ANKFN1: variants seen among roughly 807,000 people sequenced by gnomAD.
The protein encoded by ANKFN1 is ankyrin repeat and fibronectin type-III domain-containing protein 1.
Under a neutral mutation model 108.7 loss-of-function variants are expected in ANKFN1, and 74 were observed. That is an observed-to-expected ratio of 0.68 (90% confidence interval 0.56 to 0.83). ANKFN1 has a LOEUF of 0.83. Among genes scored for constraint, ANKFN1 ranks in the 40% least tolerant of loss-of-function variants. The probability of loss-of-function intolerance (pLI) is 0.00; values close to 1 mark genes in which losing one functional copy is unlikely to be tolerated. For synonymous variants in ANKFN1, 547 were observed against 516.2 expected (o/e 1.06, Z -0.81); for missense variants, 1,505 against 1,382.3 (o/e 1.09, Z -1.41).
At chr17:56,308,574 G>A (rs8064801) in intron 3 of ANKFN1, among the ~76,000 whole-genome samples, 17,781 of 151,690 alleles carry the variant, frequency 0.12, 1,170 homozygotes, top group African/African-American at 0.19. Flanking sequence ...GCATTTTCTT[G>A]CTTACTATTA....
At chr17:56,218,314 T>C (rs1598258750) in intron 2 of ANKFN1, among the ~76,000 whole-genome samples, 1 of 152,062 alleles carries the variant, frequency 6.6e-6, no homozygotes, top group East Asian at 1.9e-4. Context: ...CTATTCCTTT[T>C]TCCAAGCTGA....
At chr17:56,106,824 T>C (rs1905761143) in intron 4 of ANKFN1, among the ~76,000 whole-genome samples, 1 of 152,148 alleles carries the variant, frequency 6.6e-6, no homozygotes, top group South Asian at 2.1e-4. Context: ...ATGTATAAAG[T>C]GAAATGGTTA....
At chr17:56,121,717 G>T (rs1287495277) in intron 4 of ANKFN1, among the ~76,000 whole-genome samples, 2 of 152,154 alleles carry the variant, frequency 1.3e-5, no homozygotes, top group Non-Finnish European at 2.9e-5. Flanking sequence ...AATATTTAGA[G>T]TTAGTCCATG....
intron 3 of ANKFN1, among the ~76,000 whole-genome samples, chr17:56,293,262 G>A (rs956690398): frequency 6.6e-6 from 1 of 152,100 alleles, no homozygotes; most frequent in Non-Finnish European, 1.5e-5. Context: ...TGCATGCCAG[G>A]CACCATGTTA....
At chr17:56,467,777 A>AAG (rs1491218106) in intron 15 of ANKFN1, among the ~76,000 whole-genome samples, 2 of 18,410 alleles carry the variant, frequency 1.1e-4, no homozygotes, top group Non-Finnish European at 2.6e-4. Flanking sequence ...GAAAGAAAGA[A>AAG]AGAAAGAAAG....
At position 56,297,316 on chromosome 17, in the gene ANKFN1, C is replaced by T. The variant is rs557649753; in HGVS notation, c.54-28905C>T. Among the ~76,000 whole-genome samples the T allele has an allele frequency of 2.6e-5, 4 of 152,138 alleles. No individual in the cohort carries two copies. In the South Asian group the frequency reaches 8.3e-4, roughly 31 times the overall value. The stretch of plus-strand genomic sequence containing the variant: ...GGCTGGCAGTCGCTAAGGGCGGAAA[C>T]CACTGTTTGGGAGCTGCTGGCGGTT... On this transcript the variant is annotated intron_variant, in intron 3 of 20. Coordinates refer to ENST00000682825, the MANE Select transcript of ANKFN1 (RefSeq NM_001370326.1).
At chr17:56,467,902 A>C (rs971975545) in intron 15 of ANKFN1, among the ~76,000 whole-genome samples, 7 of 152,182 alleles carry the variant, frequency 4.6e-5, no homozygotes, top group African/African-American at 1.7e-4. Context: ...AATGACATAG[A>C]GCTACACACA....
At position 56,087,431 on chromosome 17, in the gene ANKFN1, G is replaced by A. The variant is rs928150414; in HGVS notation, c.288+41106G>A. On this transcript the variant is annotated intron_variant, in intron 4 of 12. Coordinates refer to the ANKFN1 transcript ENST00000635860. ...GAGAGACTGTGGTTTCTTTATCCGG[G>A]CAGTGTCTCTCTACTCAGCACTCTC... Among the ~76,000 whole-genome samples, 3 of 151,226 alleles carry A rather than the reference G, an allele frequency of 2.0e-5. 1 individual carries two copies. In the South Asian group the frequency reaches 6.2e-4, roughly 31 times the overall value.
At chr17:56,207,769 C>A (rs1914653807) in intron 1 of ANKFN1, among the ~76,000 whole-genome samples, 1 of 152,080 alleles carries the variant, frequency 6.6e-6, no homozygotes. Context: ...TTTCTCTTTG[C>A]TTTTCATCCC....
At chr17:56,404,875 C>T (rs961043850) in intron 8 of ANKFN1, among the ~76,000 whole-genome samples, 1 of 152,202 alleles carries the variant, frequency 6.6e-6, no homozygotes, top group Non-Finnish European at 1.5e-5. Flanking sequence ...TACTCTCCCC[C>T]TTTTCCTATG....
chr17:56,119,235 C>G (rs1906460754), intron 4 of ANKFN1, among the ~76,000 whole-genome samples: 1 of 152,038 alleles, frequency 6.6e-6, no homozygotes, highest in Admixed American at 6.6e-5. Flanking sequence ...AGGACTAGAC[C>G]TTGAGGAACT....
chr17:56,134,273 T>A (rs1907463352), intron 4 of ANKFN1, among the ~76,000 whole-genome samples: 1 of 152,158 alleles, frequency 6.6e-6, no homozygotes, highest in African/African-American at 2.4e-5. Context: ...TACTGGCACA[T>A]GGATGCATTT....
At chr17:56,196,308 G>T (rs1331105519) in intron 1 of ANKFN1, among the ~76,000 whole-genome samples, 2 of 152,168 alleles carry the variant, frequency 1.3e-5, no homozygotes, top group African/African-American at 4.8e-5. Flanking sequence ...ACACCATTTA[G>T]GGGACATGTA....
At chr17:56,459,268 A>G (rs984569328) in intron 14 of ANKFN1, among the ~76,000 whole-genome samples, 1 of 151,982 alleles carries the variant, frequency 6.6e-6, no homozygotes, top group African/African-American at 2.4e-5. Flanking sequence ...CCACTACCAC[A>G]CCCGGCTAAT....
intron 3 of ANKFN1, among the ~76,000 whole-genome samples, chr17:56,232,640 G>A (rs1916828476): frequency 6.6e-6 from 1 of 152,118 alleles, no homozygotes; most frequent in African/African-American, 2.4e-5. Context: ...GGTAGAGACA[G>A]TGAATATCTG....
At chr17:56,359,998 C>G (rs1404028264) in intron 6 of ANKFN1, among the ~76,000 whole-genome samples, 1 of 152,212 alleles carries the variant, frequency 6.6e-6, no homozygotes, top group African/African-American at 2.4e-5. Flanking sequence ...TCATCACCCT[C>G]TGTGTTCACC....
intron 4 of ANKFN1, among the ~76,000 whole-genome samples, chr17:56,092,230 T>C (rs1173716110): frequency 6.6e-6 from 1 of 150,672 alleles, no homozygotes; most frequent in Non-Finnish European, 1.5e-5. Flanking sequence ...TTTTAATTTG[T>C]CTGCATCACA....
At position 56,217,846 on chromosome 17, in the gene ANKFN1, G is replaced by A. The variant is rs547982191; in HGVS notation, c.12+5167G>A. Reference sequence around the variant, plus strand: ...TTTGGGTATAGAACTTTTAAATGATGTCTGTGTTCCCTGAAGAATAATTAG... The same window carrying A: ...TTTGGGTATAGAACTTTTAAATGATATCTGTGTTCCCTGAAGAATAATTAG... On this transcript the variant is annotated intron_variant, in intron 2 of 20. Transcript: ENST00000682825. Among the ~76,000 whole-genome samples the A allele has an allele frequency of 3.3e-5, 5 of 152,176 alleles. No individual in the cohort carries two copies. The East Asian group carries it at 5.8e-4, about 18-fold the overall frequency.
chr17:56,143,494 C>T (rs1908052711), intron 4 of ANKFN1, among the ~76,000 whole-genome samples: 1 of 152,194 alleles, frequency 6.6e-6, no homozygotes, highest in East Asian at 1.9e-4. Context: ...TTCTCTGCTA[C>T]AATCATGTTC....
Sources: allele counts gnomAD v4.1 joint callset (sites outside exome capture counted in the v4.1 genomes callset), GRCh38; gene constraint gnomAD v4.1.1; transcripts MANE v1.5; gene names NCBI Gene and HGNC (gene_info 2026-07-23, HGNC 2026-07-21).